Variants in CSGALNACT1 observed in about 807,000 individuals in gnomAD.
CSGALNACT1 encodes chondroitin sulfate N-acetylgalactosaminyltransferase 1, also known as beta4GalNAcT-1.
CSGALNACT1 carries 52 observed loss-of-function variants against 51.0 expected under a neutral mutation model. The observed-to-expected ratio is 1.02, with a 90% CI of 0.82 to 1.29. The LOEUF (loss-of-function observed/expected upper bound fraction) is 1.29, where lower values mean the gene tolerates loss of function less well. Ranked by LOEUF, CSGALNACT1 falls within the 50% of genes most tolerant of loss-of-function variation. The pLI, the probability that CSGALNACT1 is intolerant of heterozygous loss-of-function variation, is 0.00. For synonymous variants in CSGALNACT1, 341 were observed against 254.4 expected, an observed-to-expected ratio of 1.34 and a Z score of -3.24; for missense variants, 935 against 679.2, an observed-to-expected ratio of 1.38 and a Z score of -4.19.
chr8:19,749,696 G>A (rs2064910439), intron 1 of CSGALNACT1, among the ~76,000 whole-genome samples: 1 of 152,190 alleles, frequency 6.6e-6, no homozygotes, highest in Non-Finnish European at 1.5e-5. Flanking sequence ...CTGGCTCTCT[G>A]CATCATAGTG....
intron 1 of CSGALNACT1, among the ~76,000 whole-genome samples, chr8:19,611,200 C>A (rs1425726305): frequency 2.4e-4 from 37 of 152,330 alleles, no homozygotes; most frequent in Admixed American, 2.2e-3. Context: ...ATTTCAGGAT[C>A]AGGGGAATTC....
intron 6 of CSGALNACT1, among the ~76,000 whole-genome samples, chr8:19,422,101 G>A (rs1344814336): frequency 1.3e-5 from 2 of 152,124 alleles, no homozygotes; most frequent in East Asian, 3.9e-4. Context: ...TGGTTACAGA[G>A]CTCAAATTCC....
At chr8:19,712,302 G>T (rs1181013485) in intron 1 of CSGALNACT1, among the ~76,000 whole-genome samples, 1 of 152,122 alleles carries the variant, frequency 6.6e-6, no homozygotes, top group Non-Finnish European at 1.5e-5. Context: ...TGGGATTACA[G>T]GCGTGAGCCA....
At chr8:19,484,570 G>A (rs1357790637) in intron 4 of CSGALNACT1, among the ~76,000 whole-genome samples, 1 of 152,096 alleles carries the variant, frequency 6.6e-6, no homozygotes, top group African/African-American at 2.4e-5. Flanking sequence ...AAACGTTACT[G>A]GCATTCTCAT....
At chr8:19,658,032 C>A (rs2058434356) in intron 1 of CSGALNACT1, among the ~76,000 whole-genome samples, 1 of 126,066 alleles carries the variant, frequency 7.9e-6, no homozygotes, top group Non-Finnish European at 1.6e-5. Flanking sequence ...TTACTCTAGA[C>A]TGAATATGTG....
intron 6 of CSGALNACT1, among the ~76,000 whole-genome samples, chr8:19,431,380 T>C (rs567863097): frequency 6.6e-6 from 1 of 152,260 alleles, no homozygotes; most frequent in South Asian, 2.1e-4. Context: ...TAAAAGGATG[T>C]TGGATTTTTA....
intron 6 of CSGALNACT1, among the ~76,000 whole-genome samples, chr8:19,429,619 T>A (rs2059342172): frequency 6.6e-6 from 1 of 152,254 alleles, no homozygotes; most frequent in Non-Finnish European, 1.5e-5. Context: ...TTGCTTTTCA[T>A]TCATCAGCTG....
chr8:19,492,953 G>A (rs144338122), intron 4 of CSGALNACT1, among the ~76,000 whole-genome samples: 262 of 151,924 alleles, frequency 1.7e-3, no homozygotes, highest in African/African-American at 5.8e-3. Context: ...TCCAGTGTAT[G>A]GCATATTTGT....
chr8:19,714,330 G>T (rs1323306856), intron 1 of CSGALNACT1, among the ~76,000 whole-genome samples: 2 of 127,792 alleles, frequency 1.6e-5, no homozygotes, highest in East Asian at 6.8e-4. Flanking sequence ...AACATACCTG[G>T]GTATGTTTTT....
intron 4 of CSGALNACT1, among the ~76,000 whole-genome samples, chr8:19,501,404 G>T (rs896697772): frequency 6.6e-6 from 1 of 152,120 alleles, no homozygotes; most frequent in East Asian, 1.9e-4. Context: ...CTATCACGTT[G>T]GCAACATCTG....
chr8:19,503,976 T>C (rs2076857001), intron 4 of CSGALNACT1, among the ~76,000 whole-genome samples: 1 of 152,236 alleles, frequency 6.6e-6, no homozygotes, highest in Non-Finnish European at 1.5e-5. Flanking sequence ...TTTGATTTGA[T>C]GGAAGAGAGT....
chr8:19,573,446 AT>A lies in CSGALNACT1; in HGVS notation c.-297+17713del, dbSNP rs111492641. On this transcript the variant is annotated intron_variant, in intron 3 of 9. Coordinates refer to ENST00000454498, the Ensembl canonical transcript of CSGALNACT1. ...GTCACTTAAGTCATGAAATATTCCA[AT>A]TTTTTTTTTTTTTGGACACTAAGTC... is the stretch of plus-strand genomic sequence containing the variant. Among the ~76,000 whole-genome samples the A allele has an allele frequency of 9.8e-3, 1,422 of 144,816 alleles. 8 individuals are homozygous for A. The highest frequency in any genetic ancestry group is 0.03 in the South Asian group (139 of 4,568).
chr8:19,600,703 A>G (rs2154143847), intron 2 of CSGALNACT1, among the ~76,000 whole-genome samples: 1 of 152,170 alleles, frequency 6.6e-6, no homozygotes, highest in South Asian at 2.1e-4. Flanking sequence ...TAGTAACTGA[A>G]ATACAGTTCT....
At chr8:19,508,474 T>C (rs2077798978) in intron 3 of CSGALNACT1, among the ~76,000 whole-genome samples, 1 of 152,244 alleles carries the variant, frequency 6.6e-6, no homozygotes, top group African/African-American at 2.4e-5. Flanking sequence ...TGGAAGCCTT[T>C]TCCATCTGAT....
intron 3 of CSGALNACT1, among the ~76,000 whole-genome samples, chr8:19,531,420 G>C (rs1040183330): frequency 1.4e-4 from 21 of 152,284 alleles, no homozygotes; most frequent in Non-Finnish European, 2.6e-4. Context: ...AGAACACCCA[G>C]CTCAGTCCTA....
intron 1 of CSGALNACT1, among the ~76,000 whole-genome samples, chr8:19,633,058 T>C (rs1564306776): frequency 2.0e-5 from 3 of 151,922 alleles, no homozygotes; most frequent in Non-Finnish European, 4.4e-5. Flanking sequence ...GTCAAAATGC[T>C]GAGCCACCGT....
chr8:19,720,229 CA>C (rs1442282059), intron 1 of CSGALNACT1, among the ~76,000 whole-genome samples: 1 of 152,136 alleles, frequency 6.6e-6, no homozygotes, highest in African/African-American at 2.4e-5. Flanking sequence ...TTTTCCATTA[CA>C]GGCAGCCAAA....
chr8:19,553,851 A>G (rs1315669223), intron 3 of CSGALNACT1, among the ~76,000 whole-genome samples: 1 of 151,540 alleles, frequency 6.6e-6, no homozygotes, highest in Non-Finnish European at 1.5e-5. Flanking sequence ...TGACAAAATA[A>G]GTACAGAATG....
intron 1 of CSGALNACT1, among the ~76,000 whole-genome samples, chr8:19,680,033 G>C (rs574448575): frequency 6.6e-6 from 1 of 152,178 alleles, no homozygotes; most frequent in South Asian, 2.1e-4. Context: ...CTTTAGTTCT[G>C]AAAGTTTACT....
Sources: gnomAD v4.1 joint callset for allele counts (sites outside exome capture counted in the v4.1 genomes callset) on GRCh38, gnomAD v4.1.1 for gene constraint, MANE v1.5 for transcripts, NCBI Gene and HGNC (gene_info 2026-07-23, HGNC 2026-07-21) for gene names.